The following TENM2 variants were observed in gnomAD, a reference collection of about 807,000 sequenced individuals.
TENM2 encodes teneurin-2.
In TENM2, 52 loss-of-function variants were observed where a neutral mutation model predicts 245.2. The observed-to-expected ratio is 0.21, with a 90% CI of 0.17 to 0.27. The LOEUF (loss-of-function observed/expected upper bound fraction) is 0.27, where lower values mean the gene tolerates loss of function less well. Ranked by LOEUF, TENM2 falls within the 10% of genes least tolerant of loss-of-function variation. TENM2 has a pLI of 1.00. For synonymous variants in TENM2, 1,363 were observed against 1,438.9 expected (o/e 0.95, Z 1.19); for missense variants, 3,046 against 3,666.8 (o/e 0.83, Z 4.37).
chr5:167,351,851 A>C (rs1426593973), intron 1 of TENM2, among the ~76,000 whole-genome samples: 1 of 97,524 alleles, frequency 1.0e-5, no homozygotes, highest in African/African-American at 3.3e-5. Flanking sequence ...AAAACAAAAA[A>C]ACAAAAAAAA....
intron 2 of TENM2, among the ~76,000 whole-genome samples, chr5:167,762,441 A>T (rs1405228041): frequency 6.6e-6 from 1 of 152,170 alleles, no homozygotes; most frequent in East Asian, 1.9e-4. Context: ...TTCTAGAGAG[A>T]TGCTTCCCTC....
At chr5:167,935,038 C>A in intron 3 of TENM2, 1 of 379,908 alleles carries the variant, frequency 2.6e-6, no homozygotes, top group Non-Finnish European at 3.6e-6. Flanking sequence ...CGGGAAAGGT[C>A]AGAACACCTC....
At chr5:167,031,284 C>T in the TENM2 span, among the ~76,000 whole-genome samples, 1 of 152,144 alleles carries the variant, frequency 6.6e-6, no homozygotes, top group Non-Finnish European at 1.5e-5. Flanking sequence ...CAATCTAGGC[C>T]AGTTTTCATT....
intron 5 of TENM2, among the ~76,000 whole-genome samples, chr5:168,032,149 T>G (rs1462384814): frequency 1.3e-5 from 2 of 152,132 alleles, no homozygotes; most frequent in Non-Finnish European, 2.9e-5. Context: ...ATACTTAATC[T>G]CTCTCTCCCA....
chr5:167,016,259 A>C, the TENM2 span, among the ~76,000 whole-genome samples: 1 of 92,712 alleles, frequency 1.1e-5, no homozygotes, highest in Non-Finnish European at 2.5e-5. Flanking sequence ...GTCTCAAAAA[A>C]AAAAACAAAC....
chr5:167,347,059 C>A (rs537251095), intron 1 of TENM2, among the ~76,000 whole-genome samples: 20 of 152,044 alleles, frequency 1.3e-4, no homozygotes, highest in African/African-American at 3.6e-4. Flanking sequence ...TTTGCATGAG[C>A]CATCACCAAG....
intron 13 of TENM2, among the ~76,000 whole-genome samples, chr5:168,173,464 T>C (rs1581532755): frequency 6.6e-6 from 1 of 152,238 alleles, no homozygotes; most frequent in East Asian, 1.9e-4. Context: ...ATGCCTAGGG[T>C]ACCTCACAGT....
intron 23 of TENM2, among the ~76,000 whole-genome samples, chr5:168,221,256 T>TC (rs974931977): frequency 6.6e-6 from 1 of 152,186 alleles, no homozygotes; most frequent in African/African-American, 2.4e-5. Flanking sequence ...ATCTTTTTTT[T>TC]CTGCATAGAA....
At chr5:168,070,823 AAAAG>A (rs1176276827) in intron 7 of TENM2, among the ~76,000 whole-genome samples, 1 of 141,600 alleles carries the variant, frequency 7.1e-6, no homozygotes, top group African/African-American at 2.6e-5. Flanking sequence ...GAGAGAGAAA[AAAAG>A]AAAGAAGAAA....
At chr5:167,038,151 A>G in the TENM2 span, among the ~76,000 whole-genome samples, 1 of 152,228 alleles carries the variant, frequency 6.6e-6, no homozygotes, top group Admixed American at 6.5e-5. Flanking sequence ...TGGGATCTGC[A>G]GTTGAGAAGT....
At chr5:167,139,457 C>T in the TENM2 span, among the ~76,000 whole-genome samples, 2 of 152,156 alleles carry the variant, frequency 1.3e-5, no homozygotes, top group Non-Finnish European at 2.9e-5. Context: ...GGGCGTAAGA[C>T]CAAATGTCAA....
chr5:167,293,145 G>C (rs1754734776), intron 1 of TENM2, among the ~76,000 whole-genome samples: 1 of 152,146 alleles, frequency 6.6e-6, no homozygotes, highest in Non-Finnish European at 1.5e-5. Context: ...GCCTGAACTA[G>C]GATAGCAGAG....
At chr5:167,402,670 G>T (rs1762425526) in intron 2 of TENM2, among the ~76,000 whole-genome samples, 2 of 152,062 alleles carry the variant, frequency 1.3e-5, no homozygotes, top group Non-Finnish European at 2.9e-5. Flanking sequence ...TGGACATCAT[G>T]ATACACCAAA....
chr5:167,259,525 G>C, the TENM2 span, among the ~76,000 whole-genome samples: 21 of 152,132 alleles, frequency 1.4e-4, no homozygotes, highest in African/African-American at 4.8e-4. Context: ...TGGGCAAATG[G>C]TAACTCTATC....
chr5:167,913,198 TCTC>T (rs980531375), intron 3 of TENM2, among the ~76,000 whole-genome samples: 6 of 152,172 alleles, frequency 3.9e-5, no homozygotes, highest in Admixed American at 6.5e-5. Flanking sequence ...ACCTGCCTCT[TCTC>T]CTAGTACAAC....
chr5:167,403,341 G>A (rs1461868875), intron 2 of TENM2, among the ~76,000 whole-genome samples: 1 of 151,584 alleles, frequency 6.6e-6, no homozygotes, highest in African/African-American at 2.4e-5. Flanking sequence ...GTTTGAAGTA[G>A]CCTGAAGACG....
At chr5:167,375,643 A>G (rs1760704184) in intron 2 of TENM2, among the ~76,000 whole-genome samples, 170 bp downstream of exon 4, 1 of 152,232 alleles carries the variant, frequency 6.6e-6, no homozygotes, top group African/African-American at 2.4e-5. Flanking sequence ...ACCCTCCAGC[A>G]CACAAGAAAT....
the TENM2 span, among the ~76,000 whole-genome samples, chr5:167,111,488 C>T: frequency 1.3e-5 from 2 of 152,170 alleles, no homozygotes; most frequent in Non-Finnish European, 2.9e-5. Context: ...GTAGGAAGCA[C>T]CTGTTGCGCA....
chr5:167,623,380 T>C (rs1211108156), intron 2 of TENM2, among the ~76,000 whole-genome samples: 1 of 152,140 alleles, frequency 6.6e-6, no homozygotes, highest in Non-Finnish European at 1.5e-5. Context: ...AAAAAACACA[T>C]AATAATTTTT....
Sources: allele counts gnomAD v4.1 joint callset (sites outside exome capture counted in the v4.1 genomes callset), GRCh38; gene constraint gnomAD v4.1.1; transcripts MANE v1.5; gene names NCBI Gene and HGNC (gene_info 2026-07-23, HGNC 2026-07-21).